SLIT3: variants seen among roughly 807,000 people sequenced by gnomAD.
SLIT3 encodes the protein slit guidance ligand 3, also known as slit homolog 3 protein.
Under a neutral mutation model 184.0 loss-of-function variants are expected in SLIT3, and 68 were observed. That is an observed-to-expected ratio of 0.37 (90% confidence interval 0.30 to 0.45). SLIT3 has a LOEUF of 0.45. SLIT3 is among the 20% of genes least tolerant of loss of function. The pLI is 1.00. For missense variants in SLIT3, 1,707 were observed against 2,026.0 expected (o/e 0.84, Z 3.02); for synonymous variants, 831 against 828.6 (o/e 1.00, Z -0.05).
At chr5:169,039,100 CAG>C (rs1484525195) in intron 4 of SLIT3, among the ~76,000 whole-genome samples, 1 of 151,968 alleles carries the variant, frequency 6.6e-6, no homozygotes, top group Non-Finnish European at 1.5e-5. Context: ...GCACAACGTG[CAG>C]GTTAGTTACA....
intron 4 of SLIT3, among the ~76,000 whole-genome samples, chr5:169,175,602 C>T (rs184155083): frequency 1.8e-4 from 27 of 152,314 alleles, no homozygotes; most frequent in East Asian, 1.3e-3. Flanking sequence ...GTTGCTGCTT[C>T]GTGGTTGTGT....
At chr5:168,777,954 T>G (rs1387631261) in intron 12 of SLIT3, among the ~76,000 whole-genome samples, 1 of 152,152 alleles carries the variant, frequency 6.6e-6, no homozygotes, top group East Asian at 1.9e-4. Flanking sequence ...AGCACCATAT[T>G]ATGGAGCAAA....
intron 4 of SLIT3, among the ~76,000 whole-genome samples, chr5:169,075,314 T>A (rs1157044673): frequency 6.6e-6 from 1 of 152,160 alleles, no homozygotes; most frequent in Non-Finnish European, 1.5e-5. Context: ...GATTTTTGCA[T>A]GTATTTTTCC....
At chr5:168,709,093 TTC>T (rs1417360036) in intron 25 of SLIT3, among the ~76,000 whole-genome samples, 4 of 142,714 alleles carry the variant, frequency 2.8e-5, no homozygotes, top group African/African-American at 5.0e-5. Flanking sequence ...CAGTGTTGTT[TTC>T]TGTTTGTTTT....
intron 4 of SLIT3, among the ~76,000 whole-genome samples, chr5:168,935,615 T>C (rs1762135329): frequency 7.4e-6 from 1 of 135,166 alleles, no homozygotes; most frequent in African/African-American, 2.8e-5. Flanking sequence ...AGTGGAAAAC[T>C]CTGTTGGATC....
chr5:169,052,834 C>T (rs1300385969), intron 4 of SLIT3, among the ~76,000 whole-genome samples: 2 of 152,202 alleles, frequency 1.3e-5, no homozygotes, highest in African/African-American at 4.8e-5. Context: ...CTGTCTGGTG[C>T]CTGCAAATTC....
intron 4 of SLIT3, among the ~76,000 whole-genome samples, chr5:169,190,910 A>T (rs935171357): frequency 5.3e-5 from 8 of 152,368 alleles, no homozygotes; most frequent in African/African-American, 1.9e-4. Context: ...AGGGCCATTA[A>T]GAAAAATCAA....
intron 4 of SLIT3, among the ~76,000 whole-genome samples, chr5:169,103,640 G>T (rs1006874373): frequency 3.3e-5 from 5 of 152,220 alleles, no homozygotes; most frequent in African/African-American, 9.7e-5. Flanking sequence ...GTTACCGGGA[G>T]GTGGGTGGGT....
intron 4 of SLIT3, among the ~76,000 whole-genome samples, chr5:169,151,777 C>T (rs1762125848): frequency 2.0e-5 from 3 of 152,184 alleles, no homozygotes; most frequent in Admixed American, 2.0e-4. Flanking sequence ...TAAGTGGGCA[C>T]ATCCCTCAGT....
intron 32 of SLIT3, among the ~76,000 whole-genome samples, chr5:168,680,672 G>A (rs557940214): frequency 7.2e-5 from 11 of 152,210 alleles, no homozygotes; most frequent in East Asian, 1.9e-4. Context: ...TGGCCCCCTC[G>A]GCTGCTGGTC....
intron 4 of SLIT3, among the ~76,000 whole-genome samples, chr5:169,098,179 T>C (rs1045252070): frequency 6.6e-6 from 1 of 152,066 alleles, no homozygotes; most frequent in Admixed American, 6.5e-5. Flanking sequence ...GCCTTAGAGT[T>C]AATTATTCAG....
At chr5:168,839,481 T>G (rs1401314179) in intron 6 of SLIT3, among the ~76,000 whole-genome samples, 1 of 152,208 alleles carries the variant, frequency 6.6e-6, no homozygotes, top group Non-Finnish European at 1.5e-5. Context: ...TTGCCAGTGC[T>G]TCTAGTTTTT....
intron 4 of SLIT3, among the ~76,000 whole-genome samples, chr5:169,082,502 T>G (rs1425425818): frequency 1.3e-5 from 2 of 152,298 alleles, no homozygotes; most frequent in African/African-American, 4.8e-5. Flanking sequence ...GGGTTGGATG[T>G]TTGTCTATTT....
chr5:169,226,342 TCTTCCCCTGACC>T (rs1764808080), intron 3 of SLIT3, among the ~76,000 whole-genome samples: 1 of 152,032 alleles, frequency 6.6e-6, no homozygotes. Context: ...CAGCCCCTTT[TCTTCCCCTGACC>T]CTTCCCACTT....
intron 9 of SLIT3, among the ~76,000 whole-genome samples, chr5:168,799,690 G>A (rs201287038): frequency 1.4e-4 from 21 of 151,880 alleles, no homozygotes; most frequent in African/African-American, 4.4e-4. Flanking sequence ...GGAAACATTG[G>A]TGGTGGTGGT....
In SLIT3 at chr5:169,189,466, A is replaced by G. The variant is rs973816083; in HGVS notation, c.413+4013T>C. Among the ~76,000 whole-genome samples, 9 of 142,978 alleles carry G rather than the reference A, an allele frequency of 6.3e-5. 1 individual carries two copies. Among genetic ancestry groups the G allele is most frequent in the Admixed American group, 4.2e-4 (6 of 14,188 alleles). The allele number at this position is 142,978 out of a possible 152,430, so 93.8% of individuals were successfully genotyped here. ...TGATTCTCTTCGCATGATTGTTGTG[A>G]TGGTTAAGTCTAAGCATTGAGGCAA... On this transcript the variant is annotated intron_variant, in intron 4 of 35. Transcript: ENST00000519560.
At chr5:169,013,239 C>G (rs915058879) in intron 4 of SLIT3, 2 of 152,286 alleles carry the variant, frequency 1.3e-5, no homozygotes, top group African/African-American at 4.8e-5. Context: ...TCCAACAACC[C>G]CCAAACCCAG....
At chr5:169,207,487 T>C (rs1764114597) in intron 3 of SLIT3, among the ~76,000 whole-genome samples, 1 of 151,484 alleles carries the variant, frequency 6.6e-6, no homozygotes, top group Non-Finnish European at 1.5e-5. Context: ...TGAACAGAGG[T>C]AGTTACCTAA....
intron 20 of SLIT3, among the ~76,000 whole-genome samples, chr5:168,731,351 A>G (rs916676707): frequency 2.7e-4 from 41 of 152,104 alleles, no homozygotes; most frequent in African/African-American, 9.6e-4. Flanking sequence ...CCAAAGATGA[A>G]TTCATAGCTG....
Sources: allele counts gnomAD v4.1 joint callset (sites outside exome capture counted in the v4.1 genomes callset), GRCh38; gene constraint gnomAD v4.1.1; transcripts MANE v1.5; gene names NCBI Gene and HGNC (gene_info 2026-07-23, HGNC 2026-07-21).